GPT2: variants seen among roughly 807,000 people sequenced by gnomAD.
GPT2 encodes alanine aminotransferase 2.
Under a neutral mutation model 56.9 loss-of-function variants are expected in GPT2, and 30 were observed. That is an observed-to-expected ratio of 0.53 (90% CI 0.39 to 0.72). The LOEUF (loss-of-function observed/expected upper bound fraction) is 0.72, where lower values mean the gene tolerates loss of function less well. GPT2 is among the 30% of genes least tolerant of loss of function. GPT2 has a pLI of 0.00. For synonymous variants in GPT2, 271 were observed against 283.1 expected, an observed-to-expected ratio of 0.96 and a Z score of 0.43; for missense variants, 542 against 703.4, an observed-to-expected ratio of 0.77 and a Z score of 2.60.
At chr16:46,895,193 G>T (rs758291541) in intron 2 of GPT2, among the ~76,000 whole-genome samples, 2 of 152,132 alleles carry the variant, frequency 1.3e-5, no homozygotes, top group African/African-American at 4.8e-5. Flanking sequence ...TGCTGCTTTT[G>T]TCTCTCAAGC....
intron 3 of GPT2, among the ~76,000 whole-genome samples, chr16:46,898,926 ATGTGT>A (rs1960746432): frequency 7.0e-6 from 1 of 142,886 alleles, no homozygotes; most frequent in Non-Finnish European, 1.5e-5. Context: ...ACACATATAT[ATGTGT>A]ATATATATAC....
chr16:46,897,473 G>T (rs1960704462), intron 2 of GPT2, among the ~76,000 whole-genome samples, 175 bp from the exon 3 acceptor site: 1 of 152,158 alleles, frequency 6.6e-6, no homozygotes, highest in Admixed American at 6.5e-5. Context: ...TCCTCATGGG[G>T]TGGCTGTGAA....
chr16:46,920,556 G>A (rs893034389), intron 8 of GPT2, among the ~76,000 whole-genome samples: 5 of 152,248 alleles, frequency 3.3e-5, no homozygotes, highest in Admixed American at 6.5e-5. Flanking sequence ...TGTTCCCAAC[G>A]TGGTGGGGTC....
At chr16:46,913,120 C>G (rs1042034787) in intron 6 of GPT2, among the ~76,000 whole-genome samples, 2 of 152,218 alleles carry the variant, frequency 1.3e-5, no homozygotes, top group Non-Finnish European at 2.9e-5. Flanking sequence ...CTTATCTGTT[C>G]ACTGGCTCAG....
intron 7 of GPT2, among the ~76,000 whole-genome samples, chr16:46,917,445 C>T (rs772519145): frequency 2.0e-5 from 3 of 152,180 alleles, no homozygotes; most frequent in African/African-American, 7.2e-5. Flanking sequence ...TCATTTAATT[C>T]GCTTACATCT....
At chr16:46,897,278 C>T (rs1567334450) in intron 2 of GPT2, among the ~76,000 whole-genome samples, 1 of 152,122 alleles carries the variant, frequency 6.6e-6, no homozygotes, top group South Asian at 2.1e-4. Context: ...GAGGCTGAGG[C>T]ACGAGAATTG....
In GPT2 at chr16:46,884,770, T is replaced by A. The variant is rs2143302588; in HGVS notation, c.55T>A (p.Ser19Thr). The A allele has an allele frequency of 6.7e-7, 1 of 1,492,604 alleles. No homozygotes were observed. Among genetic ancestry groups the A allele is most frequent in the African/African-American group, 1.5e-5 (1 of 68,746 alleles). 92.5% of individuals were successfully genotyped at this position (1,492,604 alleles called of 1,614,324 possible). A position where few individuals can be genotyped will look rare whatever the true frequency, so the allele number is the denominator to read the frequency against. Residue 19 changes from serine to threonine, a missense_variant, in exon 2 of 12, where the codon TCC becomes ACC. Physicochemically the swap from Ser to Thr is moderately conservative, Grantham distance 58. Transcript: ENST00000340124. ...GGGCTGTGGTCCCCGGACCCCCAGC[T>A]CCTGGGGCCGCAGCCAGAGCAGCGC... is the stretch of plus-strand genomic sequence containing the variant. ...RRGCGPRTPS[S>T]WGRSQSSAAA... is the part of the protein sequence containing the mutation.
chr16:46,920,018 A>G (rs774826165), intron 8 of GPT2, among the ~76,000 whole-genome samples: 22 of 152,168 alleles, frequency 1.4e-4, no homozygotes, highest in Non-Finnish European at 2.2e-4. Flanking sequence ...ATCAGCCTGG[A>G]TAATATAGCA....
Position 46,884,855 on chromosome 16 carries a change from T to C in GPT2, c.140T>C (p.Ile47Thr). The C allele has an allele frequency of 6.5e-7, 1 of 1,542,106 alleles. No homozygotes were observed. The highest frequency in any genetic ancestry group is 8.7e-7 in the Non-Finnish European group (1 of 1,143,892). Residue 47 changes from isoleucine to threonine, a missense_variant, in exon 2 of 12, where the codon ATC becomes ACC. Coordinates refer to ENST00000340124, the MANE Select transcript of GPT2 (RefSeq NM_133443.4). ...VRPERSRRER[I>T]LTLESMNPQV... ...CCCGAGCGCAGCCGGCGCGAGCGCA[T>C]CCTCACGCTGGAGTCCATGAACCCG... is the stretch of plus-strand genomic sequence containing the variant.
intron 7 of GPT2, among the ~76,000 whole-genome samples, chr16:46,917,603 C>T (rs1961194477): frequency 6.6e-6 from 1 of 152,058 alleles, no homozygotes; most frequent in South Asian, 2.1e-4. Context: ...GCATGGTTTC[C>T]GGCGAGCTGC....
intron 5 of GPT2, among the ~76,000 whole-genome samples, chr16:46,907,700 A>G (rs4967621): frequency 0.81 from 123,043 of 152,264 alleles, 50,876 homozygotes; most frequent in East Asian, 0.99. Context: ...CTTAGAGGCC[A>G]TGCTGAGGAT....
intron 10 of GPT2, 83 bp downstream of exon 10, chr16:46,924,627 G>T: frequency 6.9e-7 from 1 of 1,457,334 alleles, no homozygotes; most frequent in South Asian, 1.2e-5. Flanking sequence ...ATCTTGGGGA[G>T]CAGAAGTGCT....
At chr16:46,901,325 C>T (rs1247823638) in intron 4 of GPT2, among the ~76,000 whole-genome samples, 1 of 152,174 alleles carries the variant, frequency 6.6e-6, no homozygotes, top group Non-Finnish European at 1.5e-5. Flanking sequence ...TCAAGCCGGC[C>T]CTCACTCATC....
At chr16:46,920,856 C>CT (rs916072265) in intron 8 of GPT2, among the ~76,000 whole-genome samples, 7 of 152,122 alleles carry the variant, frequency 4.6e-5, no homozygotes, top group African/African-American at 1.4e-4. Flanking sequence ...AGCATGTTTA[C>CT]CACACACTTA....
chr16:46,889,908 T>G (rs1241000111), intron 2 of GPT2, among the ~76,000 whole-genome samples: 1 of 152,198 alleles, frequency 6.6e-6, no homozygotes, highest in African/African-American at 2.4e-5. Flanking sequence ...CTGTGGGGCT[T>G]GCTCTTTCCT....
chr16:46,915,896 C>CCACA, intron 6 of GPT2: 1 of 149,512 alleles, frequency 6.7e-6, no homozygotes, highest in East Asian at 2.0e-4. Context: ...TACACACACA[C>CCACA]CACACAGACA....
intron 4 of GPT2, among the ~76,000 whole-genome samples, chr16:46,903,867 C>G (rs1438554170): frequency 1.3e-5 from 2 of 152,166 alleles, no homozygotes; most frequent in African/African-American, 2.4e-5. Context: ...AATGTGTAAT[C>G]ACTAGTTCTC....
At chr16:46,892,298 T>C (rs2143354185) in intron 2 of GPT2, among the ~76,000 whole-genome samples, 1 of 152,344 alleles carries the variant, frequency 6.6e-6, no homozygotes, top group Admixed American at 6.5e-5. Flanking sequence ...AATAGTCCAT[T>C]GTGTATATGT....
chr16:46,884,863 C>T lies in GPT2; in HGVS notation c.148C>T (p.Leu50=), dbSNP rs1960451983. ...CAGCCGGCGCGAGCGCATCCTCACG[C>T]TGGAGTCCATGAACCCGCAGGTGAA... ...ERSRRERILT[L]ESMNPQVKAV... is the part of the protein sequence containing the mutation. The change falls in exon 2 of 12, where the codon CTG becomes TTG. Residue 50 remains leucine, a synonymous_variant. Transcript: ENST00000340124. 4 of 1,545,050 alleles carry T rather than the reference C, an allele frequency of 2.6e-6. No homozygotes were observed. The highest frequency in any genetic ancestry group is 1.4e-5 in the African/African-American group (1 of 72,488).
Sources: allele counts gnomAD v4.1 joint callset (sites outside exome capture counted in the v4.1 genomes callset), GRCh38; gene constraint gnomAD v4.1.1; transcripts MANE v1.5; gene names NCBI Gene and HGNC (gene_info 2026-07-23, HGNC 2026-07-21).